The following RGS20 variants were observed in gnomAD, a reference collection of about 807,000 sequenced individuals.
RGS20 encodes the protein gz-selective GTPase-activating protein.
In RGS20, 30 loss-of-function variants were observed where a neutral mutation model predicts 33.6. The ratio of observed to expected loss-of-function variants is 0.89; its 90% CI spans 0.67 to 1.21. RGS20 has a LOEUF of 1.21. RGS20 is among the 50% of genes most tolerant of loss of function. The pLI is 0.00. For synonymous variants in RGS20, 208 were observed against 197.9 expected, an observed-to-expected ratio of 1.05 and a Z score of -0.43; for missense variants, 472 against 502.4, an observed-to-expected ratio of 0.94 and a Z score of 0.58.
Position 53,902,834 on chromosome 8 carries a change from T to G in RGS20, c.510+23232T>G, listed in dbSNP as rs1215340819. 2.0e-5 allele frequency among the ~76,000 whole-genome samples: 3 copies of G among 152,290 alleles called. No individual in the cohort carries two copies. The East Asian group carries it at 5.8e-4, about 29-fold the overall frequency. ...TCTGCCTCCCGGATTCAAGTAATTC[T>G]CCTGCCTCAGCTTCCCGAGTAGCTG... On this transcript the variant is annotated intron_variant, in intron 2 of 5. Coordinates refer to ENST00000297313, the MANE Select transcript of RGS20 (RefSeq NM_170587.4).
At chr8:53,924,163 G>A (rs552723666) in intron 2 of RGS20, among the ~76,000 whole-genome samples, 22 of 151,474 alleles carry the variant, frequency 1.5e-4, no homozygotes, top group African/African-American at 1.2e-4. Flanking sequence ...GACTACAGAC[G>A]TGTGCCATCA....
intron 2 of RGS20, among the ~76,000 whole-genome samples, chr8:53,916,865 A>C (rs936648124): frequency 6.6e-6 from 1 of 152,144 alleles, no homozygotes; most frequent in South Asian, 2.1e-4. Context: ...GCCAGAAACC[A>C]GGAACTGTCT....
chr8:53,925,979 G>A (rs1234501796), intron 2 of RGS20, among the ~76,000 whole-genome samples: 1 of 151,290 alleles, frequency 6.6e-6, no homozygotes, highest in East Asian at 2.0e-4. Flanking sequence ...TCAGCACTTC[G>A]GAAGGCTGAG....
At chr8:53,863,525 T>C (rs1300250189) in intron 1 of RGS20, among the ~76,000 whole-genome samples, 1 of 152,142 alleles carries the variant, frequency 6.6e-6, no homozygotes, top group Non-Finnish European at 1.5e-5. Context: ...GAGGCTCAGT[T>C]GTAACTAACT....
At chr8:53,943,488 T>A (rs1814367739) in intron 3 of RGS20, among the ~76,000 whole-genome samples, 1 of 152,162 alleles carries the variant, frequency 6.6e-6, no homozygotes, top group Non-Finnish European at 1.5e-5. Flanking sequence ...TATCTGGCCA[T>A]GGGTCTTCTT....
chr8:53,892,595 A>C (rs114602831), intron 2 of RGS20, among the ~76,000 whole-genome samples: 1 of 152,220 alleles, frequency 6.6e-6, no homozygotes, highest in Non-Finnish European at 1.5e-5. Flanking sequence ...AACTAGGCTC[A>C]AACTTTGACT....
intron 2 of RGS20, among the ~76,000 whole-genome samples, chr8:53,912,970 A>ATTT (rs200034042): frequency 6.9e-6 from 1 of 145,740 alleles, no homozygotes; most frequent in African/African-American, 2.5e-5. Context: ...ACTGCAATTG[A>ATTT]TTTTTTTTTT....
intron 5 of RGS20, among the ~76,000 whole-genome samples, chr8:53,955,681 A>C (rs1268248691): frequency 6.6e-6 from 1 of 152,118 alleles, no homozygotes; most frequent in Non-Finnish European, 1.5e-5. Context: ...AATACAAAAA[A>C]TTAGCCAGGT....
At chr8:53,872,836 G>A (rs79707030) in intron 1 of RGS20, among the ~76,000 whole-genome samples, 84 of 152,106 alleles carry the variant, frequency 5.5e-4, no homozygotes, top group African/African-American at 2.0e-3. Context: ...CACATCTTGA[G>A]GGTTTTTTTT....
intron 1 of RGS20, among the ~76,000 whole-genome samples, chr8:53,852,878 C>A (rs149604034): frequency 2.7e-4 from 41 of 152,116 alleles, no homozygotes; most frequent in African/African-American, 9.9e-4. Flanking sequence ...TTACAAAATT[C>A]TCTAGGTCTG....
intron 4 of RGS20, among the ~76,000 whole-genome samples, chr8:53,953,815 A>G (rs1051605589): frequency 1.3e-5 from 2 of 152,198 alleles, no homozygotes; most frequent in African/African-American, 4.8e-5. Flanking sequence ...TTTGTAAACA[A>G]GCATGTTCTT....
intron 3 of RGS20, among the ~76,000 whole-genome samples, chr8:53,940,057 A>G (rs1037198959): frequency 2.0e-5 from 3 of 152,218 alleles, no homozygotes; most frequent in African/African-American, 7.2e-5. Flanking sequence ...TCCTGTGGTA[A>G]TGAAGGCTTA....
intron 2 of RGS20, among the ~76,000 whole-genome samples, chr8:53,913,333 C>T (rs188568422): frequency 6.6e-6 from 1 of 152,312 alleles, no homozygotes; most frequent in East Asian, 1.9e-4. Context: ...GTCCAGTCAT[C>T]TAATGCACTT....
At chr8:53,862,980 C>CTTTTA (rs918244967) in intron 1 of RGS20, among the ~76,000 whole-genome samples, 17 of 151,958 alleles carry the variant, frequency 1.1e-4, no homozygotes, top group African/African-American at 4.1e-4. Context: ...ATGACATTTT[C>CTTTTA]TTTTCTTTTC....
intron 4 of RGS20, among the ~76,000 whole-genome samples, chr8:53,953,600 A>T (rs1452509974): frequency 6.6e-6 from 1 of 152,090 alleles, no homozygotes; most frequent in Non-Finnish European, 1.5e-5. Context: ...TATACTACAT[A>T]TATTCTCTTT....
In RGS20 at chr8:53,946,022, AAAC is replaced by A. The variant is rs201638395; in HGVS notation, c.660-640_660-638del. 4.1e-3 allele frequency among the ~76,000 whole-genome samples: 632 copies of A among 152,356 alleles called. 6 individuals are homozygous for A. Among genetic ancestry groups the A allele is most frequent in the African/African-American group, 0.015 (606 of 41,588 alleles). ...ACAAATGTACAGAATGTGTATAAGA[AAAC>A]AAACTCTTTAGAGAAATACAATAGA... On this transcript the variant is annotated intron_variant, in intron 3 of 5. Coordinates refer to ENST00000297313, the MANE Select transcript of RGS20 (RefSeq NM_170587.4).
chr8:53,924,654 C>T (rs1035146573), intron 2 of RGS20, among the ~76,000 whole-genome samples: 4 of 152,118 alleles, frequency 2.6e-5, no homozygotes, highest in Non-Finnish European at 5.9e-5. Flanking sequence ...TTGTTTCATT[C>T]TTTTTTGTTG....
At chr8:53,898,096 C>T (rs1812918133) in intron 2 of RGS20, among the ~76,000 whole-genome samples, 1 of 152,176 alleles carries the variant, frequency 6.6e-6, no homozygotes, top group African/African-American at 2.4e-5. Flanking sequence ...GGCTGGATCC[C>T]ACCCGCTCGC....
At chr8:53,866,166 G>A (rs970490541) in intron 1 of RGS20, among the ~76,000 whole-genome samples, 7 of 152,136 alleles carry the variant, frequency 4.6e-5, no homozygotes, top group African/African-American at 1.7e-4. Context: ...AAAGTCCCAG[G>A]AATGAGAATG....
Sources: gnomAD v4.1 joint callset for allele counts (sites outside exome capture counted in the v4.1 genomes callset) on GRCh38, gnomAD v4.1.1 for gene constraint, MANE v1.5 for transcripts, NCBI Gene and HGNC (gene_info 2026-07-23, HGNC 2026-07-21) for gene names.